ARHGEF18: variants seen among roughly 807,000 people sequenced by gnomAD.
The protein encoded by ARHGEF18 is Rho/Rac guanine nucleotide exchange factor 18, also known as rho guanine nucleotide exchange factor 18.
Under a neutral mutation model 155.7 loss-of-function variants are expected in ARHGEF18, and 93 were observed. That is an observed-to-expected ratio of 0.60 (90% CI 0.50 to 0.71). The LOEUF is 0.71. ARHGEF18 is among the 30% of genes least tolerant of loss of function. ARHGEF18 has a pLI of 0.00. For synonymous variants in ARHGEF18, 742 were observed against 753.1 expected, an observed-to-expected ratio of 0.99 and a Z score of 0.24; for missense variants, 1,593 against 1,816.1, an observed-to-expected ratio of 0.88 and a Z score of 2.23.
At position 7,376,643 on chromosome 19, in the gene ARHGEF18, G is replaced by C. The variant is rs776462580; in HGVS notation, c.427G>C (p.Glu143Gln). 2.6e-5 allele frequency: 32 copies of C among 1,233,960 alleles called. No homozygotes were observed. The highest frequency in any genetic ancestry group is 3.2e-5 in the Non-Finnish European group (32 of 987,968). The allele number at this position is 1,233,960 out of a possible 1,614,324, so 76.4% of individuals were successfully genotyped here. The change falls in exon 5 of 29, where the codon GAA (glutamate) becomes CAA (glutamine). Residue 143 changes from glutamate (E) to glutamine (Q), a missense_variant and splice_region_variant. Coordinates refer to ENST00000668164, the MANE Select transcript of ARHGEF18 (RefSeq NM_001367823.1). ...GGTPAESPGK[E>Q]CDSPKKRGRS... ...TAGTGAGATGTTTAATCCCCTGCAGGAATGTGACAGCCCCAAGAAAAGAGG... is the reference window on the plus strand; with the variant it reads ...TAGTGAGATGTTTAATCCCCTGCAGCAATGTGACAGCCCCAAGAAAAGAGG...
At position 7,459,203 on chromosome 19, in the gene ARHGEF18, G is replaced by A. The variant is rs551750825; in HGVS notation, c.2360+513G>A. Among the ~76,000 whole-genome samples the A allele has an allele frequency of 4.9e-4, 74 of 151,996 alleles. No individual in the cohort carries two copies. The East Asian group carries it at 6.2e-3, about 13-fold the overall frequency. On this transcript the variant is annotated intron_variant, in intron 19 of 28. Coordinates refer to ENST00000668164, the MANE Select transcript of ARHGEF18 (RefSeq NM_001367823.1). ...TGGGATTACAGGCGTGAGCCACTGCGCCCAGCCTATTTTGTTTTGTTTTGT... is the reference window on the plus strand; with the variant it reads ...TGGGATTACAGGCGTGAGCCACTGCACCCAGCCTATTTTGTTTTGTTTTGT...
intron 10 of ARHGEF18, among the ~76,000 whole-genome samples, chr19:7,438,838 A>G (rs1216262854): frequency 6.6e-6 from 1 of 152,102 alleles, no homozygotes; most frequent in Non-Finnish European, 1.5e-5. Flanking sequence ...TAGGAGGGGA[A>G]AACTGAACCT....
intron 10 of ARHGEF18, among the ~76,000 whole-genome samples, chr19:7,421,749 GA>G (rs1973360896): frequency 6.6e-6 from 1 of 152,028 alleles, no homozygotes; most frequent in Non-Finnish European, 1.5e-5. Context: ...GCAACAGAGT[GA>G]CACTCCGCCT....
downstream of ARHGEF18, chr19:7,473,031 G>A (rs763393491): frequency 3.3e-5 from 15 of 456,234 alleles, no homozygotes; most frequent in South Asian, 6.2e-5. Context: ...CCTGCCCACC[G>A]GGTACACTTC....
intron 18 of ARHGEF18, among the ~76,000 whole-genome samples, 190 bp from the exon 19 acceptor site, chr19:7,458,322 G>C (rs1213071782): frequency 6.9e-6 from 1 of 143,950 alleles, no homozygotes; most frequent in Non-Finnish European, 1.5e-5. Flanking sequence ...AAAAAAAAAG[G>C]TTTCTAGGAT....
chr19:7,355,322 C>T (rs1159158331), intron 1 of ARHGEF18, among the ~76,000 whole-genome samples: 1 of 152,036 alleles, frequency 6.6e-6, no homozygotes, highest in Non-Finnish European at 1.5e-5. Context: ...CACACCCAGG[C>T]TCCCCGAGGG....
chr19:7,365,833 C>G (rs1969862649), intron 2 of ARHGEF18, among the ~76,000 whole-genome samples: 1 of 152,224 alleles, frequency 6.6e-6, no homozygotes, highest in African/African-American at 2.4e-5. Context: ...TTCTCCTTCC[C>G]TGGTGGTGGT....
chr19:7,459,905 GC>G lies in ARHGEF18; in HGVS notation c.2366del (p.Pro789LeufsTer32). ...CCACCCGACTCCTCTCCCTGCAGCT[GC>G]CCTGACGAGGAGGAGGGGCCCTTCA... ...MAHIQRAVESCPDEEEGPFSL... is the reference protein window; with the variant it reads ...MAHIQRAVESXPDEEEGPFSL... On this transcript the variant is annotated frameshift_variant, in exon 20 of 29. Coordinates refer to ENST00000668164, the MANE Select transcript of ARHGEF18 (RefSeq NM_001367823.1). LOFTEE classifies it high-confidence loss of function. 6.4e-7 allele frequency: 1 copy of G among 1,573,496 alleles called. No individual in the cohort carries two copies.
downstream of ARHGEF18, among the ~76,000 whole-genome samples, chr19:7,473,795 C>T (rs1353792408): frequency 1.7e-4 from 20 of 117,584 alleles, no homozygotes; most frequent in Non-Finnish European, 2.6e-4. Context: ...GGCAATAGAG[C>T]GAGACTCCGT....
chr19:7,418,491 G>C (rs1324334975), intron 10 of ARHGEF18, among the ~76,000 whole-genome samples: 1 of 152,116 alleles, frequency 6.6e-6, no homozygotes, highest in African/African-American at 2.4e-5. Flanking sequence ...CTGGGCTCAA[G>C]CATTCCTCCC....
At chr19:7,468,252 A>G (rs113339581) in intron 26 of ARHGEF18, among the ~76,000 whole-genome samples, 3,334 of 149,490 alleles carry the variant, frequency 0.022, 85 homozygotes, top group South Asian at 0.07. Context: ...CCCCGTCTCA[A>G]AAAAAAAAAA....
At chr19:7,445,366 T>G (rs1027711026) in intron 14 of ARHGEF18, among the ~76,000 whole-genome samples, 2 of 152,106 alleles carry the variant, frequency 1.3e-5, no homozygotes, top group Non-Finnish European at 2.9e-5. Context: ...GAGGATCACT[T>G]GAGCTTGAGA....
intron 1 of ARHGEF18, among the ~76,000 whole-genome samples, chr19:7,355,092 A>G (rs1969253019): frequency 6.6e-6 from 1 of 150,582 alleles, no homozygotes; most frequent in Non-Finnish European, 1.5e-5. Flanking sequence ...ACACACACAC[A>G]CACACACACA....
intron 10 of ARHGEF18, among the ~76,000 whole-genome samples, chr19:7,434,977 G>A (rs757531938): frequency 1.9e-4 from 29 of 152,178 alleles, no homozygotes; most frequent in Non-Finnish European, 2.9e-4. Context: ...CAAGGCGGGC[G>A]GATCACCTGC....
intron 10 of ARHGEF18, among the ~76,000 whole-genome samples, chr19:7,403,989 C>T (rs988501723): frequency 2.0e-5 from 3 of 150,696 alleles, no homozygotes; most frequent in Admixed American, 1.3e-4. Context: ...CACTTGAACC[C>T]GGGAGGCGGC....
chr19:7,407,482 C>T (rs1201337730), intron 10 of ARHGEF18, among the ~76,000 whole-genome samples: 1 of 151,804 alleles, frequency 6.6e-6, no homozygotes, highest in Admixed American at 6.6e-5. Context: ...CTGTTTGCTC[C>T]CAGCATGGGC....
chr19:7,429,310 G>A (rs769082668), intron 10 of ARHGEF18, among the ~76,000 whole-genome samples: 3 of 152,174 alleles, frequency 2.0e-5, no homozygotes, highest in African/African-American at 4.8e-5. Flanking sequence ...CCCAAAGCCC[G>A]TTAAACAGAA....
intron 10 of ARHGEF18, among the ~76,000 whole-genome samples, chr19:7,419,179 A>G (rs920188437): frequency 7.8e-6 from 1 of 129,032 alleles, no homozygotes; most frequent in African/African-American, 3.5e-5. Context: ...TCTGTACCCC[A>G]GATGTACCCA....
chr19:7,356,043 G>A (rs919189750), intron 1 of ARHGEF18, among the ~76,000 whole-genome samples: 1 of 152,008 alleles, frequency 6.6e-6, no homozygotes, highest in Non-Finnish European at 1.5e-5. Flanking sequence ...TTGGTTTCTG[G>A]CCCAGCTGCA....
Sources: allele counts gnomAD v4.1 joint callset (sites outside exome capture counted in the v4.1 genomes callset), GRCh38; gene constraint gnomAD v4.1.1; transcripts MANE v1.5; gene names NCBI Gene and HGNC (gene_info 2026-07-23, HGNC 2026-07-21).